NAALADL2: variants seen among roughly 807,000 people sequenced by gnomAD.
NAALADL2 encodes the protein N-acetylated alpha-linked acidic dipeptidase like 2.
Under a neutral mutation model 87.2 loss-of-function variants are expected in NAALADL2, and 76 were observed. The ratio of observed to expected loss-of-function variants is 0.87; its 90% CI spans 0.72 to 1.05. The LOEUF (loss-of-function observed/expected upper bound fraction) is 1.05. Among genes scored for constraint, NAALADL2 ranks in the 50% least tolerant of loss-of-function variants. The pLI is 0.00. For missense variants in NAALADL2, 1,089 were observed against 945.8 expected, an observed-to-expected ratio of 1.15 and a Z score of -1.99; for synonymous variants, 354 against 331.0, an observed-to-expected ratio of 1.07 and a Z score of -0.75.
chr3:175,154,557 ATCCTAGTACATAGTG>A (rs1732021923), intron 2 of NAALADL2, among the ~76,000 whole-genome samples: 8 of 150,968 alleles, frequency 5.3e-5, no homozygotes, highest in Admixed American at 2.0e-4. Flanking sequence ...CATTTAGGAC[ATCCTAGTACATAGTG>A]CTATGTAAGA....
intron 1 of NAALADL2, among the ~76,000 whole-genome samples, chr3:175,041,480 G>A (rs1754068272): frequency 6.6e-6 from 1 of 152,124 alleles, no homozygotes; most frequent in Non-Finnish European, 1.5e-5. Context: ...GATATTGAAA[G>A]CCAGTGTCAG....
rs144656471 is a variant in NAALADL2, at chr3:175,582,221, A to G, written c.1800+6034A>G. On this transcript the variant is annotated intron_variant, in intron 10 of 13. Transcript: ENST00000454872. ...AGTTGAAATATGAGACAAATACTAA[A>G]AAAAAAAAAGAAGAATGGAGAATGG... 5.8e-3 allele frequency among the ~76,000 whole-genome samples: 875 copies of G among 152,080 alleles called. 6 individuals are homozygous for G. Among genetic ancestry groups the G allele is most frequent in the African/African-American group, 0.02 (830 of 41,526 alleles).
intron 3 of NAALADL2, among the ~76,000 whole-genome samples, chr3:174,809,329 T>C (rs543788748): frequency 6.6e-6 from 1 of 152,330 alleles, no homozygotes; most frequent in East Asian, 1.9e-4. Context: ...AACCACGCTA[T>C]GTAAAACTAA....
At chr3:175,631,008 C>A (rs1473573251) in intron 11 of NAALADL2, among the ~76,000 whole-genome samples, 1 of 151,166 alleles carries the variant, frequency 6.6e-6, no homozygotes, top group Non-Finnish European at 1.5e-5. Context: ...GATATAGCAT[C>A]ATAGCCCAAT....
At chr3:175,341,685 G>A (rs1650842920) in intron 5 of NAALADL2, among the ~76,000 whole-genome samples, 1 of 152,052 alleles carries the variant, frequency 6.6e-6, no homozygotes, top group Admixed American at 6.6e-5. Flanking sequence ...TTTTTCTGTT[G>A]TGGTTTGTTA....
At chr3:175,179,226 G>C (rs1193526302) in intron 2 of NAALADL2, among the ~76,000 whole-genome samples, 1 of 151,946 alleles carries the variant, frequency 6.6e-6, no homozygotes, top group Non-Finnish European at 1.5e-5. Context: ...TACTGCTATA[G>C]AGTGTGACCT....
At chr3:175,724,310 C>T (rs1313104730) in intron 11 of NAALADL2, among the ~76,000 whole-genome samples, 1 of 152,148 alleles carries the variant, frequency 6.6e-6, no homozygotes, top group African/African-American at 2.4e-5. Context: ...CACTAAGCAA[C>T]ATGTAAAGAC....
At chr3:175,339,715 T>G (rs1305876230) in intron 5 of NAALADL2, among the ~76,000 whole-genome samples, 2 of 152,174 alleles carry the variant, frequency 1.3e-5, no homozygotes, top group African/African-American at 4.8e-5. Flanking sequence ...GCCTATAATT[T>G]CAGAGGACTC....
At chr3:174,887,113 A>C (rs1012493091) in intron 1 of NAALADL2, among the ~76,000 whole-genome samples, 1 of 152,182 alleles carries the variant, frequency 6.6e-6, no homozygotes, top group Non-Finnish European at 1.5e-5. Context: ...CTAGCCTTCT[A>C]CAGCCTGATT....
rs192070043 is a variant in NAALADL2, at chr3:175,113,230, G to A, written c.545+15939G>A. 4.5e-4 allele frequency among the ~76,000 whole-genome samples: 68 copies of A among 151,556 alleles called. No individual in the cohort carries two copies. The East Asian group carries it at 0.012, about 26-fold the overall frequency. On this transcript the variant is annotated intron_variant, in intron 2 of 13. Transcript: ENST00000454872. Reference sequence around the variant, plus strand: ...ATTAGAGAATAAAAACAAGAAGGACGTTGCAGAGCTGGTTACAGGTGTCCC... The same window carrying A: ...ATTAGAGAATAAAAACAAGAAGGACATTGCAGAGCTGGTTACAGGTGTCCC...
chr3:174,661,100 G>T (rs778114505), intron 2 of NAALADL2, among the ~76,000 whole-genome samples: 2 of 152,112 alleles, frequency 1.3e-5, no homozygotes, highest in African/African-American at 4.8e-5. Context: ...GCTTCATTAA[G>T]GTCTTTGGCA....
At chr3:175,091,275 A>G (rs1162547827) in intron 1 of NAALADL2, among the ~76,000 whole-genome samples, 1 of 152,124 alleles carries the variant, frequency 6.6e-6, no homozygotes, top group Non-Finnish European at 1.5e-5. Context: ...ATGCATAATG[A>G]ATGTCTTTTG....
chr3:175,740,906 G>T (rs768275937), intron 12 of NAALADL2, among the ~76,000 whole-genome samples: 1 of 152,102 alleles, frequency 6.6e-6, no homozygotes. Flanking sequence ...GTCTGGATCG[G>T]GACCCCCTTC....
At chr3:174,512,793 T>C (rs1208336070) in intron 1 of NAALADL2, among the ~76,000 whole-genome samples, 1 of 152,082 alleles carries the variant, frequency 6.6e-6, no homozygotes, top group South Asian at 2.1e-4. Flanking sequence ...AGAGTCATAG[T>C]TCAGTGTTCT....
intron 1 of NAALADL2, among the ~76,000 whole-genome samples, chr3:175,020,237 A>T (rs1751401420): frequency 6.6e-6 from 1 of 152,076 alleles, no homozygotes; most frequent in South Asian, 2.1e-4. Flanking sequence ...GCTTTCAAGG[A>T]AAACCAGAAG....
intron 1 of NAALADL2, among the ~76,000 whole-genome samples, chr3:174,886,254 G>T (rs1374408179): frequency 6.6e-5 from 10 of 152,056 alleles, no homozygotes; most frequent in Admixed American, 6.6e-4. Flanking sequence ...TCCAGTGTTT[G>T]AGGGCAGGAA....
intron 3 of NAALADL2, among the ~76,000 whole-genome samples, chr3:174,764,405 A>C (rs1180278390): frequency 6.6e-6 from 1 of 152,194 alleles, no homozygotes; most frequent in Non-Finnish European, 1.5e-5. Context: ...AGATCAAGAG[A>C]TTGAGGCCAT....
chr3:175,286,086 G>T (rs1029160244), intron 4 of NAALADL2, among the ~76,000 whole-genome samples: 1 of 152,270 alleles, frequency 6.6e-6, no homozygotes, highest in African/African-American at 2.4e-5. Context: ...GTATGTTTAT[G>T]AAAGATAATT....
intron 11 of NAALADL2, among the ~76,000 whole-genome samples, chr3:175,649,638 TAG>T (rs1560913180): frequency 6.6e-6 from 1 of 152,118 alleles, no homozygotes; most frequent in Non-Finnish European, 1.5e-5. Flanking sequence ...TGCACATGGA[TAG>T]AGACAGAGAG....
Sources: allele counts gnomAD v4.1 joint callset (sites outside exome capture counted in the v4.1 genomes callset), GRCh38; gene constraint gnomAD v4.1.1; transcripts MANE v1.5; gene names NCBI Gene and HGNC (gene_info 2026-07-23, HGNC 2026-07-21).